Variants in PIP4K2A observed in about 807,000 individuals in gnomAD.
PIP4K2A encodes phosphatidylinositol 5-phosphate 4-kinase type-2 alpha.
PIP4K2A carries 14 observed loss-of-function variants against 42.9 expected under a neutral mutation model. That is an observed-to-expected ratio of 0.33 (90% CI 0.22 to 0.51). PIP4K2A has a LOEUF of 0.51. Ranked by LOEUF, PIP4K2A falls within the 20% of genes least tolerant of loss-of-function variation. PIP4K2A has a pLI of 0.97. For synonymous variants in PIP4K2A, 192 were observed against 192.2 expected (o/e 1.00, Z 0.01); for missense variants, 434 against 519.8 (o/e 0.83, Z 1.61).
chr10:22,645,266 C>T (rs373609298), intron 1 of PIP4K2A, among the ~76,000 whole-genome samples: 1 of 152,134 alleles, frequency 6.6e-6, no homozygotes, highest in African/African-American at 2.4e-5. Context: ...TGAATTAGGG[C>T]CAGCCACGAT....
chr10:22,615,959 G>A (rs1053104237), intron 1 of PIP4K2A, among the ~76,000 whole-genome samples: 2 of 152,054 alleles, frequency 1.3e-5, no homozygotes. Context: ...CGGACTTCTT[G>A]TTCCTGTTTA....
At chr10:22,669,376 T>C (rs1355068533) in intron 1 of PIP4K2A, among the ~76,000 whole-genome samples, 1 of 152,112 alleles carries the variant, frequency 6.6e-6, no homozygotes, top group Non-Finnish European at 1.5e-5. Flanking sequence ...CACTCTGTAA[T>C]GTTCACACAA....
At chr10:22,665,156 C>A (rs1839322573) in intron 1 of PIP4K2A, among the ~76,000 whole-genome samples, 1 of 152,172 alleles carries the variant, frequency 6.6e-6, no homozygotes, top group Non-Finnish European at 1.5e-5. Flanking sequence ...CTGTCTTCAT[C>A]ACTTTACTTT....
intron 1 of PIP4K2A, among the ~76,000 whole-genome samples, chr10:22,707,348 G>A (rs2130926004): frequency 6.6e-6 from 1 of 152,280 alleles, no homozygotes; most frequent in East Asian, 1.9e-4. Flanking sequence ...CTGTGCCCAG[G>A]TAGCTGAAAA....
chr10:22,559,608 T>C (rs982032951), intron 6 of PIP4K2A, among the ~76,000 whole-genome samples: 2 of 152,210 alleles, frequency 1.3e-5, no homozygotes, highest in Non-Finnish European at 2.9e-5. Flanking sequence ...AGAATACCCC[T>C]CATGGTTTAT....
At chr10:22,562,663 A>G (rs1328206320) in intron 6 of PIP4K2A, among the ~76,000 whole-genome samples, 1 of 152,218 alleles carries the variant, frequency 6.6e-6, no homozygotes, top group East Asian at 1.9e-4. Flanking sequence ...AAGGCATGGC[A>G]TGATCTCTAC....
intron 1 of PIP4K2A, among the ~76,000 whole-genome samples, chr10:22,669,300 A>G (rs577186830): frequency 2.0e-5 from 3 of 152,214 alleles, no homozygotes; most frequent in Non-Finnish European, 2.9e-5. Context: ...CACAGCCTAT[A>G]CACGACGGTG....
intron 1 of PIP4K2A, among the ~76,000 whole-genome samples, chr10:22,628,787 T>A (rs1003102316): frequency 2.0e-5 from 3 of 152,188 alleles, no homozygotes; most frequent in African/African-American, 4.8e-5. Context: ...CAAGGGTATA[T>A]CATGCAGATG....
At chr10:22,699,793 A>G (rs1833679669) in intron 1 of PIP4K2A, among the ~76,000 whole-genome samples, 1 of 152,188 alleles carries the variant, frequency 6.6e-6, no homozygotes, top group Non-Finnish European at 1.5e-5. Flanking sequence ...ATTTCTGAAA[A>G]ATTTCTAAGT....
At chr10:22,653,515 G>C (rs1324923662) in intron 1 of PIP4K2A, among the ~76,000 whole-genome samples, 1 of 152,208 alleles carries the variant, frequency 6.6e-6, no homozygotes, top group Non-Finnish European at 1.5e-5. Context: ...CAATTCAGCA[G>C]ATGCACACTG....
chr10:22,613,808 T>A (rs1838109203), intron 1 of PIP4K2A, among the ~76,000 whole-genome samples: 1 of 152,118 alleles, frequency 6.6e-6, no homozygotes, highest in Non-Finnish European at 1.5e-5. Flanking sequence ...AGAGACAGGA[T>A]GACAGGCGTT....
At chr10:22,712,457 C>T (rs1309929173) in intron 1 of PIP4K2A, among the ~76,000 whole-genome samples, 1 of 151,936 alleles carries the variant, frequency 6.6e-6, no homozygotes, top group Non-Finnish European at 1.5e-5. Context: ...GATAAAAGCA[C>T]CATAAATATG....
chr10:22,566,163 C>T (rs1368687693), intron 6 of PIP4K2A, among the ~76,000 whole-genome samples: 1 of 152,112 alleles, frequency 6.6e-6, no homozygotes, highest in Admixed American at 6.5e-5. Context: ...TTGAAAATCC[C>T]TAATAAAAAC....
chr10:22,642,419 A>G (rs1166359468), intron 1 of PIP4K2A, among the ~76,000 whole-genome samples: 1 of 152,138 alleles, frequency 6.6e-6, no homozygotes, highest in Admixed American at 6.5e-5. Flanking sequence ...CAACCTTGTC[A>G]CTCAGAATGT....
rs565566581 is a variant in PIP4K2A, at chr10:22,630,158, G to C, written c.145-20441C>G. 3.8e-5 allele frequency among the ~76,000 whole-genome samples: 5 copies of C among 132,944 alleles called. No homozygotes were observed. In the South Asian group the frequency reaches 1.1e-3, roughly 30 times the overall value. 87.2% of individuals were successfully genotyped at this position (132,944 alleles called of 152,430 possible). A position where few individuals can be genotyped will look rare whatever the true frequency, so the allele number is the denominator to read the frequency against. On this transcript the variant is annotated intron_variant, in intron 1 of 9. Transcript: ENST00000376573. ...TTTAACACCAGCCTGTGAAACACAG[G>C]GCGACTTCATGACTACAAAAAAAAA...
intron 1 of PIP4K2A, among the ~76,000 whole-genome samples, chr10:22,637,536 G>C (rs1838692709): frequency 6.6e-6 from 1 of 152,158 alleles, no homozygotes; most frequent in South Asian, 2.1e-4. Context: ...TCTATTCATA[G>C]ATTTGCCATC....
chr10:22,680,325 C>T (rs1159511397), intron 1 of PIP4K2A, among the ~76,000 whole-genome samples: 2 of 152,058 alleles, frequency 1.3e-5, no homozygotes, highest in Admixed American at 6.6e-5. Context: ...TGGTATTAAT[C>T]GTGATTATCT....
At chr10:22,559,506 C>G (rs1349699862) in intron 6 of PIP4K2A, among the ~76,000 whole-genome samples, 1 of 152,194 alleles carries the variant, frequency 6.6e-6, no homozygotes, top group Non-Finnish European at 1.5e-5. Context: ...AAAGTGCTCA[C>G]AAGAGTCACT....
At chr10:22,582,999 T>A (rs943197) in intron 4 of PIP4K2A, among the ~76,000 whole-genome samples, 43,356 of 151,708 alleles carry the variant, frequency 0.29, 6,606 homozygotes, top group Non-Finnish European at 0.33. Flanking sequence ...CTTGATAAAA[T>A]TCAAGCTTAA....
Sources: allele counts gnomAD v4.1 joint callset (sites outside exome capture counted in the v4.1 genomes callset), GRCh38; gene constraint gnomAD v4.1.1; transcripts MANE v1.5; gene names NCBI Gene and HGNC (gene_info 2026-07-23, HGNC 2026-07-21).